Variants in STX18 observed in about 807,000 individuals in gnomAD.
STX18 encodes syntaxin-18.
A neutral mutation model predicts 50.1 loss-of-function variants in STX18; 40 were observed. That is an observed-to-expected ratio of 0.80 (90% CI 0.62 to 1.04). The LOEUF is 1.04. STX18 is among the 50% of genes least tolerant of loss of function. STX18 has a pLI of 0.00. For synonymous variants in STX18, 158 were observed against 151.8 expected (o/e 1.04, Z -0.30); for missense variants, 410 against 415.8 (o/e 0.99, Z 0.12).
intron 1 of STX18, among the ~76,000 whole-genome samples, chr4:4,480,651 T>G (rs549499368): frequency 4.8e-4 from 73 of 152,344 alleles, no homozygotes; most frequent in East Asian, 1.2e-3. Flanking sequence ...TTTTCTTTTT[T>G]TAAAAAACTT....
chr4:4,472,722 C>T (rs530323088), intron 1 of STX18, among the ~76,000 whole-genome samples: 1 of 152,006 alleles, frequency 6.6e-6, no homozygotes, highest in South Asian at 2.1e-4. Flanking sequence ...GGAGGGGCTG[C>T]CCATCTTTCC....
chr4:4,494,378 C>T (rs1274691932), intron 1 of STX18, among the ~76,000 whole-genome samples: 1 of 152,112 alleles, frequency 6.6e-6, no homozygotes, highest in Non-Finnish European at 1.5e-5. Flanking sequence ...TTGCATTTGA[C>T]TGAAGACTGA....
chr4:4,436,889 C>T (rs1725809603), intron 6 of STX18, among the ~76,000 whole-genome samples: 1 of 151,862 alleles, frequency 6.6e-6, no homozygotes, highest in Non-Finnish European at 1.5e-5. Context: ...TTTGCTCATG[C>T]TGCTGCCTCT....
At chr4:4,541,668 C>T (rs1450950850) in intron 1 of STX18, 129 bp downstream of exon 1, 3 of 1,039,978 alleles carry the variant, frequency 2.9e-6, no homozygotes, top group Non-Finnish European at 4.0e-6. Context: ...CTGAGGCCAA[C>T]TCTTCTGTCC....
At chr4:4,467,003 T>C (rs1237388330) in intron 2 of STX18, among the ~76,000 whole-genome samples, 4 of 152,040 alleles carry the variant, frequency 2.6e-5, no homozygotes, top group Non-Finnish European at 5.9e-5. Flanking sequence ...CAGAGTCAGT[T>C]TCTGGGTGGG....
At chr4:4,486,867 G>A (rs1333302133) in intron 1 of STX18, among the ~76,000 whole-genome samples, 1 of 152,106 alleles carries the variant, frequency 6.6e-6, no homozygotes, top group East Asian at 1.9e-4. Flanking sequence ...CTTTCTAAGA[G>A]GGGACTATAT....
intron 3 of STX18, among the ~76,000 whole-genome samples, chr4:4,458,553 C>G (rs891812364): frequency 3.3e-5 from 5 of 152,188 alleles, no homozygotes; most frequent in African/African-American, 1.2e-4. Flanking sequence ...TTGAACTCTA[C>G]TTACTATTTA....
chr4:4,474,178 G>A (rs1728060918), intron 1 of STX18, among the ~76,000 whole-genome samples: 1 of 152,104 alleles, frequency 6.6e-6, no homozygotes, highest in African/African-American at 2.4e-5. Context: ...CCCAGCTGCA[G>A]TCAGATCCCA....
At chr4:4,424,384 G>A (rs570718661) in intron 8 of STX18, among the ~76,000 whole-genome samples, 2 of 152,050 alleles carry the variant, frequency 1.3e-5, no homozygotes, top group Non-Finnish European at 2.9e-5. Context: ...GTGGCAGGGG[G>A]CAGGGGAGGA....
At chr4:4,518,766 C>T (rs1730389839) in intron 1 of STX18, among the ~76,000 whole-genome samples, 1 of 152,116 alleles carries the variant, frequency 6.6e-6, no homozygotes, top group Non-Finnish European at 1.5e-5. Context: ...GCATCAACAA[C>T]ACCCAGTTCT....
At position 4,457,221 on chromosome 4, in the gene STX18, C is replaced by T. The variant is rs1448582109; in HGVS notation, c.467G>A (p.Arg156Gln). 13 of 1,614,008 alleles carry T rather than the reference C, an allele frequency of 8.1e-6. No homozygotes were observed. Among genetic ancestry groups the T allele is most frequent in the South Asian group, 4.4e-5 (4 of 91,086 alleles). The change falls in exon 5 of 11, where the codon CGA (arginine) becomes CAA (glutamine). Residue 156 changes from arginine (R) to glutamine (Q), a missense_variant. Coordinates refer to ENST00000306200, the MANE Select transcript of STX18 (RefSeq NM_016930.4). ...TTTCTTATCCACCACTCTTTTAACT[C>T]GGATGGCTCTCTGTTCTGAGTAAAG... is the stretch of plus-strand genomic sequence containing the variant. ...CKLYSEQRAI[R>Q]VKRVVDKKRL...
intron 2 of STX18, among the ~76,000 whole-genome samples, chr4:4,463,677 A>C (rs1577346031): frequency 6.6e-6 from 1 of 152,238 alleles, no homozygotes; most frequent in African/African-American, 2.4e-5. Context: ...CAAGTTTTGT[A>C]AAGTTTTACA....
In STX18 at chr4:4,457,468, C is replaced by G. The variant is rs758515694; in HGVS notation, c.385G>C (p.Glu129Gln). The change falls in exon 4 of 11, where the codon GAG becomes CAG. Residue 129 changes from glutamate to glutamine, a missense_variant. Transcript: ENST00000306200. The stretch of plus-strand genomic sequence containing the variant: ...AAATCCAAAACAGCGGTCCTGTGCT[C>G]CTTCACTTGCTGGGAATGTATCTCC... The part of the protein sequence containing the change: ...HKEIHSQQVK[E>Q]HRTAVLDFIE... The G allele has an allele frequency of 6.8e-6, 11 of 1,614,078 alleles. No homozygotes were observed. Among genetic ancestry groups the G allele is most frequent in the Non-Finnish European group, 9.3e-6 (11 of 1,180,004 alleles).
Position 4,457,190 on chromosome 4 carries a change from C to A in STX18, c.497+1G>T. ...GAAACACCAATGAAAGCAATACTTA[C>A]AATCTTTTCTTATCCACCACTCTTT... On this transcript the variant is annotated splice_donor_variant, in intron 5 of 10. Coordinates refer to ENST00000306200, the MANE Select transcript of STX18 (RefSeq NM_016930.4). LOFTEE classifies it high-confidence loss of function. 1.2e-6 allele frequency: 2 copies of A among 1,613,120 alleles called. No individual in the cohort carries two copies. The highest frequency in any genetic ancestry group is 1.7e-6 in the Non-Finnish European group (2 of 1,179,188).
At chr4:4,508,029 G>A (rs971072120) in intron 1 of STX18, among the ~76,000 whole-genome samples, 1 of 152,046 alleles carries the variant, frequency 6.6e-6, no homozygotes, top group African/African-American at 2.4e-5. Flanking sequence ...TCCAATTATA[G>A]GATGTTTTTA....
rs559922675 is a variant in STX18 at position 4,528,960 on chromosome 4, T to C, written c.168+12837A>G. On this transcript the variant is annotated intron_variant, in intron 1 of 10. Transcript: ENST00000306200. ...AAGGGAATTACAATTTTTTTTCAAATGTCTATAATCCATAAATTGGGTCTC... is the reference window on the plus strand; with the variant it reads ...AAGGGAATTACAATTTTTTTTCAAACGTCTATAATCCATAAATTGGGTCTC... Among the ~76,000 whole-genome samples the C allele has an allele frequency of 1.3e-3, 204 of 152,362 alleles. 1 individual carries two copies. Among genetic ancestry groups the C allele is most frequent in the African/African-American group, 4.7e-3 (194 of 41,588 alleles).
At chr4:4,424,608 G>A (rs1250687081) in intron 8 of STX18, among the ~76,000 whole-genome samples, 3 of 152,112 alleles carry the variant, frequency 2.0e-5, no homozygotes, top group African/African-American at 7.2e-5. Flanking sequence ...TTATTTGGGG[G>A]ACATGTCCAC....
Position 4,459,476 on chromosome 4 carries a change from GA to G in STX18, c.247del (p.Ser83LeufsTer6). 6.2e-7 allele frequency: 1 copy of G among 1,613,190 alleles called. No individual in the cohort carries two copies. Among genetic ancestry groups the G allele is most frequent in the Non-Finnish European group, 8.5e-7 (1 of 1,179,190 alleles). On this transcript the variant is annotated frameshift_variant, in exon 3 of 11. Coordinates refer to ENST00000306200, the MANE Select transcript of STX18 (RefSeq NM_016930.4). LOFTEE classifies it high-confidence loss of function. ...DYINAYSHTM[S>X]EYGRMTDTER... ...TGTGTCTGTCATCCTCCCATATTCA[GA>G]CATGGTATGGCTAAAAAAAGACAGC...
rs774979364 is a variant in STX18 at position 4,470,792 on chromosome 4, G to T, written c.236+847C>A. ...TGGCACCTTTAAGGAAGGCTGGCATGGCTGGAGCACCGTCGTGGGAAGGCG... is the reference window on the plus strand; with the variant it reads ...TGGCACCTTTAAGGAAGGCTGGCATTGCTGGAGCACCGTCGTGGGAAGGCG... On this transcript the variant is annotated intron_variant, in intron 2 of 10. Transcript: ENST00000306200. Among the ~76,000 whole-genome samples the T allele has an allele frequency of 2.8e-4, 42 of 152,306 alleles. 1 individual carries two copies. The highest frequency in any genetic ancestry group is 3.4e-3 in the Middle Eastern group (1 of 294).
Sources: gnomAD v4.1 joint callset for allele counts (sites outside exome capture counted in the v4.1 genomes callset) on GRCh38, gnomAD v4.1.1 for gene constraint, MANE v1.5 for transcripts, NCBI Gene and HGNC (gene_info 2026-07-23, HGNC 2026-07-21) for gene names.